SMARCC2: variants seen among roughly 807,000 people sequenced by gnomAD.
The protein encoded by SMARCC2 is SWI/SNF related BAF chromatin remodeling complex subunit C2.
Under a neutral mutation model 151.3 loss-of-function variants are expected in SMARCC2, and 15 were observed. That is an observed-to-expected ratio of 0.10 (90% CI 0.07 to 0.15). The LOEUF is 0.15. Among genes scored for constraint, SMARCC2 ranks in the 10% least tolerant of loss-of-function variants. The pLI, the probability that SMARCC2 is intolerant of heterozygous loss-of-function variation, is 1.00. For synonymous variants in SMARCC2, 590 were observed against 609.5 expected (o/e 0.97, Z 0.47); for missense variants, 1,031 against 1,599.7 (o/e 0.64, Z 6.06).
chr12:56,164,838 G>A, intron 27 of SMARCC2, 107 bp from the exon 28 acceptor site: 1 of 951,750 alleles, frequency 1.1e-6, no homozygotes, highest in Non-Finnish European at 1.5e-6. Flanking sequence ...CACCAGGCTG[G>A]AGTGCAGTGG....
intron 26 of SMARCC2, 34 bp downstream of exon 26, chr12:56,168,026 A>G: frequency 1.2e-6 from 2 of 1,608,344 alleles, no homozygotes; most frequent in Admixed American, 1.7e-5. Context: ...ACTGAGGCAC[A>G]GCGCAGCAGG....
chr12:56,170,255 G>T, intron 22 of SMARCC2, 47 bp from the exon 23 acceptor site: 1 of 1,484,662 alleles, frequency 6.7e-7, no homozygotes, highest in Non-Finnish European at 9.3e-7. Context: ...TTAATACACA[G>T]TCGTCTGTGT....
intron 26 of SMARCC2, 62 bp downstream of exon 26, chr12:56,167,998 A>ACG: frequency 7.5e-7 from 1 of 1,325,722 alleles, no homozygotes; most frequent in East Asian, 2.4e-5. Flanking sequence ...ACACACACAC[A>ACG]CGCCCCTCCG....
intron 13 of SMARCC2, 97 bp from the exon 14 acceptor site, chr12:56,178,631 G>A: frequency 6.4e-7 from 1 of 1,563,980 alleles, no homozygotes; most frequent in Non-Finnish European, 8.8e-7. Context: ...CACTAAAGAT[G>A]GGTGATGGGA....
chr12:56,172,514 G>A (rs1874141058), intron 19 of SMARCC2, 24 bp from the exon 20 acceptor site: 1 of 1,608,146 alleles, frequency 6.2e-7, no homozygotes, highest in South Asian at 1.1e-5. Context: ...ACAGGCAGGT[G>A]AGAAGAAAGG....
rs1300524325 is a variant in SMARCC2, at chr12:56,170,002, C to A, written c.2413-91G>T. On this transcript the variant is annotated intron_variant, in intron 23 of 28. Coordinates refer to ENST00000550164, the MANE Select transcript of SMARCC2 (RefSeq NM_001330288.2). Reference sequence around the variant, plus strand: ...GGCCAGACGGGGAACTAAATTTATTCCTCTTACTTTGGAGGTGATCTGATT... The same window carrying A: ...GGCCAGACGGGGAACTAAATTTATTACTCTTACTTTGGAGGTGATCTGATT... The A allele has an allele frequency of 3.5e-6, 5 of 1,447,174 alleles. No individual in the cohort carries two copies. The African/African-American group carries it at 7.0e-5, about 20-fold the overall frequency. 89.6% of individuals were successfully genotyped at this position (1,447,174 alleles called of 1,614,324 possible). A position where few individuals can be genotyped will look rare whatever the true frequency, so the allele number is the denominator to read the frequency against.
At chr12:56,175,148 A>G (rs1874703383) in intron 15 of SMARCC2, among the ~76,000 whole-genome samples, 1 of 152,098 alleles carries the variant, frequency 6.6e-6, no homozygotes, top group South Asian at 2.1e-4. Context: ...AGTAGCTCTG[A>G]TTACAGGCAT....
rs533079953 is a variant in SMARCC2 at position 56,173,668 on chromosome 12, G to A, written c.1650+28C>T. 2.1e-4 allele frequency: 241 copies of A among 1,168,382 alleles called. 3 individuals are homozygous for A. Among genetic ancestry groups the A allele is most frequent in the South Asian group, 1.8e-3 (147 of 79,758 alleles). The allele number at this position is 1,168,382 out of a possible 1,614,324, so 72.4% of individuals were successfully genotyped here. ...CAAAGAAGCCCAATCTTCCCAACCC[G>A]CCCCATCCCCATAGCACCTCACCCT... is the stretch of plus-strand genomic sequence containing the variant. On this transcript the variant is annotated intron_variant, in intron 17 of 28. Transcript: ENST00000550164.
intron 19 of SMARCC2, 21 bp downstream of exon 19, chr12:56,172,564 G>C: frequency 6.2e-7 from 1 of 1,614,150 alleles, no homozygotes; most frequent in Non-Finnish European, 8.5e-7. Flanking sequence ...TCTACCCCTA[G>C]AGTCGGCCCG....
chr12:56,163,816 C>G, intron 28 of SMARCC2, 51 bp from the exon 29 acceptor site: 2 of 1,197,342 alleles, frequency 1.7e-6, no homozygotes, highest in Non-Finnish European at 2.3e-6. Context: ...AGAGATGGCT[C>G]CAGACCCAGA....
At chr12:56,177,606 A>G (rs568313203) in intron 15 of SMARCC2, among the ~76,000 whole-genome samples, 3 of 152,310 alleles carry the variant, frequency 2.0e-5, no homozygotes, top group African/African-American at 2.4e-5. Context: ...CTGGTCTTCT[A>G]TTAGTTCCTT....
intron 25 of SMARCC2, 44 bp from the exon 26 acceptor site, chr12:56,168,238 A>C (rs759235847): frequency 6.2e-7 from 1 of 1,611,454 alleles, no homozygotes. Flanking sequence ...GGAGGACCCA[A>C]CTGAAGACAA....
At chr12:56,170,302 C>G in intron 22 of SMARCC2, 94 bp from the exon 23 acceptor site, 1 of 1,135,300 alleles carries the variant, frequency 8.8e-7, no homozygotes, top group Non-Finnish European at 1.3e-6. Context: ...CAGGGTCTTG[C>G]TGTGTTGCCC....
chr12:56,165,762 A>G, intron 26 of SMARCC2, 63 bp from the exon 27 acceptor site: 1 of 1,506,986 alleles, frequency 6.6e-7, no homozygotes, highest in Non-Finnish European at 9.1e-7. Flanking sequence ...AAATGCCTCA[A>G]CCCCTGCTTT....
intron 1 of SMARCC2, among the ~76,000 whole-genome samples, chr12:56,187,937 T>G (rs1055367748): frequency 6.6e-6 from 1 of 152,176 alleles, no homozygotes; most frequent in Non-Finnish European, 1.5e-5. Flanking sequence ...CTGAGACAAG[T>G]AACCCTGGCC....
chr12:56,178,176 AAAG>A, intron 14 of SMARCC2, 83 bp from the exon 15 acceptor site: 2 of 1,138,884 alleles, frequency 1.8e-6, no homozygotes, highest in Non-Finnish European at 2.6e-6. Context: ...CCTAGAAGGC[AAAG>A]AAGGAAAAGA....
At chr12:56,182,394 G>A (rs939345739) in intron 7 of SMARCC2, among the ~76,000 whole-genome samples, 2 of 150,912 alleles carry the variant, frequency 1.3e-5, no homozygotes, top group African/African-American at 2.4e-5. Flanking sequence ...GCGCGATCTC[G>A]GCTCACTGCA....
Position 56,165,317 on chromosome 12 carries a change from C to T in SMARCC2, c.3232+1G>A. On this transcript the variant is annotated splice_donor_variant, in intron 27 of 28. Transcript: ENST00000550164. LOFTEE classifies it high-confidence loss of function. ...CAAAAGTTCTGGAACATAACACTTA[C>T]CATGGGGTCCAGGGGGGGGAACCCC... 1 of 1,489,462 alleles carries T rather than the reference C, an allele frequency of 6.7e-7. No individual in the cohort carries two copies. The highest frequency in any genetic ancestry group is 8.9e-7 in the Non-Finnish European group (1 of 1,123,534). 92.3% of individuals were successfully genotyped at this position (1,489,462 alleles called of 1,614,324 possible).
At chr12:56,174,857 C>T (rs1257143956) in intron 15 of SMARCC2, 93 bp from the exon 16 acceptor site, 2 of 793,714 alleles carry the variant, frequency 2.5e-6, no homozygotes, top group Non-Finnish European at 4.4e-6. Flanking sequence ...AATGACTTCT[C>T]CTGCATGATA....
Sources: allele counts gnomAD v4.1 joint callset (sites outside exome capture counted in the v4.1 genomes callset), GRCh38; gene constraint gnomAD v4.1.1; transcripts MANE v1.5; gene names NCBI Gene and HGNC (gene_info 2026-07-23, HGNC 2026-07-21).